CNTN3: variants seen among roughly 807,000 people sequenced by gnomAD.
CNTN3 encodes the protein contactin 3.
Under a neutral mutation model 119.1 loss-of-function variants are expected in CNTN3, and 60 were observed. The ratio of observed to expected loss-of-function variants is 0.50; its 90% CI spans 0.41 to 0.62. CNTN3 has a LOEUF of 0.62. Among genes scored for constraint, CNTN3 ranks in the 20% least tolerant of loss-of-function variants. The pLI, the probability that CNTN3 is intolerant of heterozygous loss-of-function variation, is 0.00. For synonymous variants in CNTN3, 450 were observed against 438.7 expected (o/e 1.03, Z -0.32); for missense variants, 1,101 against 1,242.4 (o/e 0.89, Z 1.71).
chr3:74,381,698 G>A (rs1272266601), intron 5 of CNTN3, among the ~76,000 whole-genome samples: 9 of 151,900 alleles, frequency 5.9e-5, no homozygotes, highest in African/African-American at 1.7e-4. Context: ...ATATGTCCAG[G>A]AAAAATATCT....
At chr3:74,267,119 A>G in intron 21 of CNTN3, 147 bp downstream of exon 21, 1 of 576,268 alleles carries the variant, frequency 1.7e-6, no homozygotes. Flanking sequence ...TTGAAAAATT[A>G]CCCATTTTAT....
At chr3:74,423,456 G>A (rs1205605744) in intron 5 of CNTN3, among the ~76,000 whole-genome samples, 1 of 152,130 alleles carries the variant, frequency 6.6e-6, no homozygotes, top group Non-Finnish European at 1.5e-5. Flanking sequence ...CTCTGCAGCT[G>A]GGGCAGACCA....
chr3:74,485,099 G>A (rs1025240198), intron 4 of CNTN3, among the ~76,000 whole-genome samples: 1 of 151,898 alleles, frequency 6.6e-6, no homozygotes, highest in Non-Finnish European at 1.5e-5. Flanking sequence ...AATTATCTAT[G>A]AGAAGACTAT....
chr3:74,464,336 G>C lies in CNTN3; in HGVS notation c.358+22120C>G, dbSNP rs563596214. On this transcript the variant is annotated intron_variant, in intron 4 of 22. Coordinates refer to ENST00000263665, the MANE Select transcript of CNTN3 (RefSeq NM_020872.3). ...TAATTCTCAACTGAATGTATCATCT[G>C]TTACTCCCTGAATAAACTTGGTTAT... Among the ~76,000 whole-genome samples, 10 of 152,236 alleles carry C rather than the reference G, an allele frequency of 6.6e-5. No individual in the cohort carries two copies. In the East Asian group the frequency reaches 1.7e-3, roughly 26 times the overall value.
chr3:74,419,779 T>C (rs942199676), intron 5 of CNTN3, among the ~76,000 whole-genome samples: 3 of 152,196 alleles, frequency 2.0e-5, no homozygotes, highest in Admixed American at 1.3e-4. Flanking sequence ...AACATGCATG[T>C]ATGTAATAAC....
chr3:74,410,095 T>A (rs541398987), intron 5 of CNTN3, among the ~76,000 whole-genome samples: 1 of 152,182 alleles, frequency 6.6e-6, no homozygotes, highest in African/African-American at 2.4e-5. Context: ...TCAGAATGCC[T>A]TGACTGCACC....
At chr3:74,283,407 C>T (rs1395952274) in intron 20 of CNTN3, among the ~76,000 whole-genome samples, 1 of 152,140 alleles carries the variant, frequency 6.6e-6, no homozygotes, top group Non-Finnish European at 1.5e-5. Context: ...CTGTTTTGTG[C>T]AAATTTCTAC....
At chr3:74,458,163 T>A (rs557092824) in intron 4 of CNTN3, among the ~76,000 whole-genome samples, 205 of 152,152 alleles carry the variant, frequency 1.3e-3, no homozygotes, top group African/African-American at 4.6e-3. Flanking sequence ...TGATGAGGTC[T>A]AGGAAGAGGT....
rs577507408 is a variant in CNTN3 at position 74,390,628 on chromosome 3, A to G, written c.455-19229T>C. On this transcript the variant is annotated intron_variant, in intron 5 of 22. Coordinates refer to ENST00000263665, the MANE Select transcript of CNTN3 (RefSeq NM_020872.3). ...TTGGAATTGTACACTGTTACCATCA[A>G]TATTGGCAAGGCAGCCATAGCCTGT... 7.9e-5 allele frequency among the ~76,000 whole-genome samples: 12 copies of G among 152,340 alleles called. No individual in the cohort carries two copies. The South Asian group carries it at 1.7e-3, about 21-fold the overall frequency.
chr3:74,553,418 T>C (rs562474332), intron 1 of CNTN3, among the ~76,000 whole-genome samples: 27 of 152,212 alleles, frequency 1.8e-4, no homozygotes, highest in Non-Finnish European at 3.1e-4. Flanking sequence ...GTCTTTATCA[T>C]AGAATGATTT....
At chr3:74,588,509 T>C (rs1704638990) in intron 1 of CNTN3, among the ~76,000 whole-genome samples, 1 of 151,858 alleles carries the variant, frequency 6.6e-6, no homozygotes, top group African/African-American at 2.4e-5. Context: ...AGAATCAATA[T>C]CATGAAAATG....
At chr3:74,478,056 A>C (rs9815386) in intron 4 of CNTN3, among the ~76,000 whole-genome samples, 22,899 of 152,138 alleles carry the variant, frequency 0.15, 1,855 homozygotes, top group South Asian at 0.19. Flanking sequence ...GGTAAGAGAT[A>C]GTCTATAAAG....
intron 2 of CNTN3, among the ~76,000 whole-genome samples, chr3:74,508,138 G>T (rs949727781): frequency 4.3e-4 from 65 of 152,240 alleles, no homozygotes; most frequent in African/African-American, 1.6e-3. Flanking sequence ...ACTGAATTAT[G>T]CGGACAGTTT....
intron 1 of CNTN3, among the ~76,000 whole-genome samples, chr3:74,609,551 T>C (rs1391439462): frequency 6.6e-6 from 1 of 152,040 alleles, no homozygotes; most frequent in Non-Finnish European, 1.5e-5. Flanking sequence ...AGGAAACGGA[T>C]TGAGAGGAAA....
chr3:74,396,045 CT>C (rs1238245739), intron 5 of CNTN3, among the ~76,000 whole-genome samples: 3 of 152,144 alleles, frequency 2.0e-5, no homozygotes, highest in Admixed American at 1.3e-4. Context: ...ACTCTACTAA[CT>C]GGTGTTTCCC....
chr3:74,504,911 G>A (rs1019247793), intron 2 of CNTN3, among the ~76,000 whole-genome samples: 7 of 152,120 alleles, frequency 4.6e-5, no homozygotes, highest in Non-Finnish European at 1.0e-4. Context: ...TTCCAAAACA[G>A]AATTTTTTGT....
rs547116238 is a variant in CNTN3, at chr3:74,340,869, T to C, written c.1365-4211A>G. 2.0e-5 allele frequency among the ~76,000 whole-genome samples: 3 copies of C among 152,164 alleles called. No individual in the cohort carries two copies. The South Asian group carries it at 6.2e-4, about 32-fold the overall frequency. Reference sequence around the variant, plus strand: ...TGATTTGGAAACTACAAAACAGAGGTAGGTAATTTCAGGTATCTTCTATGC... The same window carrying C: ...TGATTTGGAAACTACAAAACAGAGGCAGGTAATTTCAGGTATCTTCTATGC... On this transcript the variant is annotated intron_variant, in intron 11 of 22. Transcript: ENST00000263665.
chr3:74,495,072 C>T (rs1016754131), intron 3 of CNTN3, among the ~76,000 whole-genome samples: 1 of 152,000 alleles, frequency 6.6e-6, no homozygotes, highest in South Asian at 2.1e-4. Context: ...CTTCATTCCA[C>T]CATGTGGCTA....
chr3:74,448,573 A>C (rs1279589739), intron 4 of CNTN3, among the ~76,000 whole-genome samples: 2 of 152,144 alleles, frequency 1.3e-5, no homozygotes, highest in African/African-American at 2.4e-5. Flanking sequence ...GAACTTATAA[A>C]TTATTTAGCT....
Sources: gnomAD v4.1 joint callset for allele counts (sites outside exome capture counted in the v4.1 genomes callset) on GRCh38, gnomAD v4.1.1 for gene constraint, MANE v1.5 for transcripts, NCBI Gene and HGNC (gene_info 2026-07-23, HGNC 2026-07-21) for gene names.